The following TSEN15 variants were observed in gnomAD, a reference collection of about 807,000 sequenced individuals.
TSEN15 encodes the protein tRNA-splicing endonuclease subunit Sen15.
Under a neutral mutation model 20.5 loss-of-function variants are expected in TSEN15, and 10 were observed. The ratio of observed to expected loss-of-function variants is 0.49; its 90% confidence interval spans 0.30 to 0.83. The LOEUF is 0.83. TSEN15 is among the 40% of genes least tolerant of loss of function. The pLI is 0.06. For synonymous variants in TSEN15, 72 were observed against 80.1 expected, an observed-to-expected ratio of 0.90 and a Z score of 0.54; for missense variants, 180 against 218.6, an observed-to-expected ratio of 0.82 and a Z score of 1.11.
At chr1:184,054,556 C>T in intron 2 of TSEN15, 121 bp downstream of exon 2, 4 of 1,189,632 alleles carry the variant, frequency 3.4e-6, no homozygotes, top group East Asian at 2.4e-5. Context: ...GTTAATTTTG[C>T]AATTTATTTA....
At chr1:184,076,319 T>C (rs1443622426), downstream of TSEN15, among the ~76,000 whole-genome samples, 3 of 152,152 alleles carry the variant, frequency 2.0e-5, no homozygotes, top group African/African-American at 7.2e-5. Context: ...TATTTGATGT[T>C]ACTATTGTAA....
chr1:184,087,749 T>A (rs892235306), intron 3 of TSEN15, among the ~76,000 whole-genome samples: 2 of 152,160 alleles, frequency 1.3e-5, no homozygotes, highest in Non-Finnish European at 2.9e-5. Context: ...AGAAAGTAGA[T>A]GTAATAAGAT....
intron 3 of TSEN15, among the ~76,000 whole-genome samples, chr1:184,062,787 C>T (rs74792998): frequency 0.039 from 5,908 of 151,510 alleles, 166 homozygotes; most frequent in Non-Finnish European, 0.059. Flanking sequence ...AATGTCACCT[C>T]CCAATTCTAA....
rs180799023 is a variant in TSEN15 at position 184,055,438 on chromosome 1, A to G, written c.353+575A>G. On this transcript the variant is annotated intron_variant, in intron 3 of 4. Coordinates refer to ENST00000645668, the MANE Select transcript of TSEN15 (RefSeq NM_052965.4). ...ATATACAAAGTATATCAAGCATTCA[A>G]CAAGTATTTATTTAGCACTTACTCT... 3.6e-3 allele frequency among the ~76,000 whole-genome samples: 541 copies of G among 152,352 alleles called. 4 individuals are homozygous for G. Among genetic ancestry groups the G allele is most frequent in the Middle Eastern group, 0.017 (5 of 294 alleles).
At chr1:184,058,903 CAATT>C (rs1422503275) in intron 3 of TSEN15, among the ~76,000 whole-genome samples, 2 of 151,902 alleles carry the variant, frequency 1.3e-5, no homozygotes, top group African/African-American at 2.4e-5. Context: ...TTGGTCTTAA[CAATT>C]ATTTATTGAG....
chr1:184,063,599 T>C (rs1650542261), intron 3 of TSEN15, among the ~76,000 whole-genome samples: 2 of 152,192 alleles, frequency 1.3e-5, no homozygotes, highest in South Asian at 4.1e-4. Context: ...ATACATTGAA[T>C]CCGATGAATT....
intron 3 of TSEN15, among the ~76,000 whole-genome samples, chr1:184,083,530 A>G (rs923911640): frequency 6.6e-6 from 1 of 152,166 alleles, no homozygotes; most frequent in Non-Finnish European, 1.5e-5. Context: ...CTACTTAGAA[A>G]TGGTAATTCC....
At chr1:184,088,389 C>T (rs1279440944) in intron 3 of TSEN15, among the ~76,000 whole-genome samples, 1 of 151,876 alleles carries the variant, frequency 6.6e-6, no homozygotes, top group East Asian at 1.9e-4. Context: ...TTGTTGAAAA[C>T]CTCTTTTGTA....
chr1:184,081,816 G>A (rs1025352863), intron 3 of TSEN15, among the ~76,000 whole-genome samples: 6 of 152,096 alleles, frequency 3.9e-5, no homozygotes, highest in South Asian at 2.1e-4. Context: ...TTCATGGCTC[G>A]GGTTCTGGAG....
chr1:184,077,106 G>A (rs1274980600), downstream of TSEN15, among the ~76,000 whole-genome samples: 1 of 152,080 alleles, frequency 6.6e-6, no homozygotes, highest in Non-Finnish European at 1.5e-5. Context: ...GACTTTCATG[G>A]CTAGAAAGAA....
intron 3 of TSEN15, among the ~76,000 whole-genome samples, chr1:184,092,839 T>G (rs1651384425): frequency 6.6e-6 from 1 of 152,206 alleles, no homozygotes; most frequent in African/African-American, 2.4e-5. Context: ...TTTCTTCAAC[T>G]GCCCTGAGAT....
chr1:184,067,924 C>CAAAAAAAAAAAAAAAAAA (rs71130650), intron 3 of TSEN15, among the ~76,000 whole-genome samples: 1 of 54,848 alleles, frequency 1.8e-5, no homozygotes, highest in African/African-American at 9.3e-5. Context: ...CTCTCTCTCT[C>CAAAAAAAAAAAAAAAAAA]AAAAAAAAAA....
exon 4 of TSEN15, chr1:184,096,086 C>A: frequency 8.7e-6 from 2 of 229,160 alleles, no homozygotes. Context: ...CCACTTTGAG[C>A]TTCTGATGAG....
chr1:184,055,677 C>CT (rs913576077), intron 3 of TSEN15, among the ~76,000 whole-genome samples: 27 of 151,850 alleles, frequency 1.8e-4, no homozygotes, highest in African/African-American at 6.5e-4. Flanking sequence ...AAAAAAGAGA[C>CT]TTTTTTTAGG....
Position 184,072,178 on chromosome 1 carries a change from A to G in TSEN15, c.375A>G (p.Ala125=). The G allele has an allele frequency of 6.2e-7, 1 of 1,613,520 alleles. No individual in the cohort carries two copies. Among genetic ancestry groups the G allele is most frequent in the African/African-American group, 1.3e-5 (1 of 74,992 alleles). ...SHNRIREILK[A]SRKLQGDPDL... is the part of the protein sequence containing the mutation. ...TCAGGATAAGGGAGATCTTGAAGGC[A>G]TCTCGAAAGTTGCAAGGTGATCCAG... is the stretch of plus-strand genomic sequence containing the variant. The change falls in exon 4 of 5, where the codon GCA becomes GCG. Residue 125 remains alanine, a synonymous_variant. Transcript: ENST00000645668.
chr1:184,083,341 G>C (rs1487943936), intron 3 of TSEN15, among the ~76,000 whole-genome samples: 1 of 152,068 alleles, frequency 6.6e-6, no homozygotes, highest in African/African-American at 2.4e-5. Context: ...CTTATATTTT[G>C]ATCCCTTGCC....
rs1462260232 is a variant in TSEN15 at position 184,073,669 on chromosome 1, T to C, written c.*822T>C. On this transcript the variant is annotated 3_prime_UTR_variant, in exon 5 of 5. Coordinates refer to ENST00000645668, the MANE Select transcript of TSEN15 (RefSeq NM_052965.4). ...TGCACAAAGATGTTCCAAGTGACATTACTTTTAGTAGCCCAAATTATAAAC... is the reference window on the plus strand; with the variant it reads ...TGCACAAAGATGTTCCAAGTGACATCACTTTTAGTAGCCCAAATTATAAAC... 1 of 152,644 alleles carries C rather than the reference T, an allele frequency of 6.6e-6. No homozygotes were observed. Among genetic ancestry groups the C allele is most frequent in the Admixed American group, 6.5e-5 (1 of 15,270 alleles). The allele number at this position is 152,644 out of a possible 1,614,324, so 9.5% of individuals were successfully genotyped here.
chr1:184,075,910 A>T (rs201915109), downstream of TSEN15, among the ~76,000 whole-genome samples: 14,615 of 123,592 alleles, frequency 0.12, 767 homozygotes, highest in South Asian at 0.19. Flanking sequence ...ATATATATAT[A>T]TTTTTTTTTT....
intron 3 of TSEN15, among the ~76,000 whole-genome samples, chr1:184,090,709 G>A (rs1651341991): frequency 6.6e-6 from 1 of 152,140 alleles, no homozygotes; most frequent in African/African-American, 2.4e-5. Context: ...TTGGATTTCT[G>A]TCTTCATTTA....
Sources: gnomAD v4.1 joint callset for allele counts (sites outside exome capture counted in the v4.1 genomes callset) on GRCh38, gnomAD v4.1.1 for gene constraint, MANE v1.5 for transcripts, NCBI Gene and HGNC (gene_info 2026-07-23, HGNC 2026-07-21) for gene names.